AKR1E2: variants seen among roughly 807,000 people sequenced by gnomAD.
AKR1E2 encodes 1,5-anhydro-D-fructose reductase.
Under a neutral mutation model 41.9 loss-of-function variants are expected in AKR1E2, and 43 were observed. That is an observed-to-expected ratio of 1.03 (90% CI 0.80 to 1.32). The LOEUF is 1.32. AKR1E2 is among the 40% of genes most tolerant of loss of function. AKR1E2 has a pLI of 0.00. For missense variants in AKR1E2, 423 were observed against 396.5 expected, an observed-to-expected ratio of 1.07 and a Z score of -0.57; for synonymous variants, 121 against 138.9, an observed-to-expected ratio of 0.87 and a Z score of 0.91.
intron 1 of AKR1E2, among the ~76,000 whole-genome samples, chr10:4,826,614 G>C (rs973705942): frequency 6.6e-6 from 1 of 152,164 alleles, no homozygotes; most frequent in African/African-American, 2.4e-5. Context: ...CGGCAGCCAA[G>C]CCTCAGACTC....
chr10:4,835,849 G>T, intron 4 of AKR1E2, 40 bp downstream of exon 4: 1 of 1,608,944 alleles, frequency 6.2e-7, no homozygotes, highest in South Asian at 1.1e-5. Flanking sequence ...CATCCTGTGT[G>T]GGTCTCCACC....
At chr10:4,864,169 T>G in the AKR1E2 span, among the ~76,000 whole-genome samples, 1 of 152,032 alleles carries the variant, frequency 6.6e-6, no homozygotes, top group Non-Finnish European at 1.5e-5. Flanking sequence ...AAAAGAGAAT[T>G]TTAGACCAAT....
the AKR1E2 span, among the ~76,000 whole-genome samples, chr10:4,869,856 G>A: frequency 2.1e-4 from 32 of 151,758 alleles, no homozygotes; most frequent in Non-Finnish European, 2.2e-4. Flanking sequence ...TTCATTTTTC[G>A]TTGGATAACA....
At chr10:4,825,129 G>T (rs891097241), upstream of AKR1E2, 1 of 395,344 alleles carries the variant, frequency 2.5e-6, no homozygotes, top group Non-Finnish European at 5.3e-6. Flanking sequence ...TGAGGAGATG[G>T]ATGCTCACAG....
the AKR1E2 span, among the ~76,000 whole-genome samples, chr10:4,866,697 G>A: frequency 2.1e-5 from 3 of 144,416 alleles, no homozygotes; most frequent in African/African-American, 7.6e-5. Context: ...CTGGAGTGCA[G>A]TGGCGCCATC....
the AKR1E2 span, among the ~76,000 whole-genome samples, chr10:4,853,303 C>T: frequency 6.6e-6 from 1 of 152,154 alleles, no homozygotes; most frequent in African/African-American, 2.4e-5. Context: ...GAAAAAACCC[C>T]AGCCTCATAA....
chr10:4,864,347 C>T, the AKR1E2 span, among the ~76,000 whole-genome samples: 2 of 152,116 alleles, frequency 1.3e-5, no homozygotes, highest in Admixed American at 6.5e-5. Context: ...TAAACAGAAT[C>T]GAAGACAAAA....
chr10:4,861,357 G>A, the AKR1E2 span, among the ~76,000 whole-genome samples: 1 of 152,002 alleles, frequency 6.6e-6, no homozygotes, highest in Non-Finnish European at 1.5e-5. Flanking sequence ...GTAAAAATGT[G>A]CAATATGTCT....
chr10:4,870,084 TTTG>T, the AKR1E2 span, among the ~76,000 whole-genome samples: 1 of 152,070 alleles, frequency 6.6e-6, no homozygotes, highest in Non-Finnish European at 1.5e-5. Flanking sequence ...CATAGCATTT[TTTG>T]GTGTTTCTCT....
chr10:4,853,458 A>AAC, the AKR1E2 span, among the ~76,000 whole-genome samples: 2,576 of 148,104 alleles, frequency 0.017, 57 homozygotes, highest in African/African-American at 0.055. Context: ...AAAAAAAAAA[A>AAC]CCAAACTCTG....
At chr10:4,857,041 TC>T in the AKR1E2 span, among the ~76,000 whole-genome samples, 1 of 152,190 alleles carries the variant, frequency 6.6e-6, no homozygotes, top group Non-Finnish European at 1.5e-5. Flanking sequence ...AAGTCTACTT[TC>T]TTGATCTATA....
upstream of AKR1E2, chr10:4,826,047 G>A (rs1286133868): frequency 7.7e-6 from 3 of 387,254 alleles, no homozygotes; most frequent in Non-Finnish European, 9.1e-6. Flanking sequence ...TCCAGAGCGC[G>A]GTGCTTCCAG....
the AKR1E2 span, among the ~76,000 whole-genome samples, chr10:4,853,725 G>T: frequency 6.6e-6 from 1 of 152,210 alleles, no homozygotes; most frequent in East Asian, 1.9e-4. Context: ...TAGGGGCTGA[G>T]TAAAATGAGA....
At chr10:4,866,317 G>T in the AKR1E2 span, among the ~76,000 whole-genome samples, 4 of 152,304 alleles carry the variant, frequency 2.6e-5, no homozygotes, top group African/African-American at 9.6e-5. Flanking sequence ...ACTGGAACCA[G>T]TTTTCTGGTT....
At chr10:4,841,742 T>G in intron 6 of AKR1E2, 43 bp from the exon 7 acceptor site, 1 of 1,388,280 alleles carries the variant, frequency 7.2e-7, no homozygotes, top group Non-Finnish European at 9.8e-7. Flanking sequence ...GGGGCATCCA[T>G]GTTGGATCTC....
chr10:4,857,502 C>G, the AKR1E2 span, among the ~76,000 whole-genome samples: 1 of 152,154 alleles, frequency 6.6e-6, no homozygotes, highest in African/African-American at 2.4e-5. Context: ...GAAGCTTCCC[C>G]AGAAGTTGAG....
chr10:4,857,894 T>A, the AKR1E2 span, among the ~76,000 whole-genome samples: 5 of 152,172 alleles, frequency 3.3e-5, no homozygotes, highest in African/African-American at 9.6e-5. Context: ...TAAAGCAAGC[T>A]AAATGTTTTT....
At chr10:4,836,779 C>T (rs1391817494) in intron 4 of AKR1E2, among the ~76,000 whole-genome samples, 1 of 152,188 alleles carries the variant, frequency 6.6e-6, no homozygotes, top group Non-Finnish European at 1.5e-5. Context: ...GTAGCACCAG[C>T]GAGGTTCCGG....
At chr10:4,869,996 G>T in the AKR1E2 span, among the ~76,000 whole-genome samples, 1 of 152,002 alleles carries the variant, frequency 6.6e-6, no homozygotes, top group Non-Finnish European at 1.5e-5. Context: ...AATTTGAAAA[G>T]AATCTGTTTT....
Sources: allele counts gnomAD v4.1 joint callset (sites outside exome capture counted in the v4.1 genomes callset), GRCh38; gene constraint gnomAD v4.1.1; transcripts MANE v1.5; gene names NCBI Gene and HGNC (gene_info 2026-07-23, HGNC 2026-07-21).